The following VPS13B variants were observed in gnomAD, a reference collection of about 807,000 sequenced individuals.
VPS13B encodes vacuolar protein sorting 13 homolog B.
Under a neutral mutation model 426.4 loss-of-function variants are expected in VPS13B, and 285 were observed. The observed-to-expected ratio is 0.67, with a 90% CI of 0.61 to 0.74. VPS13B has a LOEUF of 0.74. Ranked by LOEUF, VPS13B falls within the 30% of genes least tolerant of loss-of-function variation. VPS13B has a pLI of 0.00. For synonymous variants in VPS13B, 1,676 were observed against 1,676.4 expected, an observed-to-expected ratio of 1.00 and a Z score of 0.01; for missense variants, 4,537 against 4,782.6, an observed-to-expected ratio of 0.95 and a Z score of 1.51.
intron 35 of VPS13B, chr8:99,696,241 C>A: frequency 5.3e-6 from 1 of 190,170 alleles, no homozygotes. Flanking sequence ...TCAAGTCCTT[C>A]AAGGACAAGA....
intron 31 of VPS13B, among the ~76,000 whole-genome samples, chr8:99,569,672 T>C (rs547830744): frequency 2.2e-4 from 34 of 152,294 alleles, no homozygotes; most frequent in African/African-American, 8.2e-4. Flanking sequence ...TTAGTGTAAA[T>C]ATTCTGAGTC....
intron 44 of VPS13B, among the ~76,000 whole-genome samples, chr8:99,815,866 C>G (rs768634182): frequency 2.0e-5 from 3 of 152,174 alleles, no homozygotes; most frequent in Non-Finnish European, 2.9e-5. Flanking sequence ...GGGTCTTGCT[C>G]TGTCACCCAG....
intron 17 of VPS13B, among the ~76,000 whole-genome samples, chr8:99,245,176 A>AG: frequency 6.6e-6 from 1 of 152,218 alleles, no homozygotes; most frequent in Non-Finnish European, 1.5e-5. Context: ...CAGTTTGATA[A>AG]TACTGTGTGA....
chr8:99,022,296 T>C (rs1841937448), intron 2 of VPS13B, among the ~76,000 whole-genome samples: 1 of 151,924 alleles, frequency 6.6e-6, no homozygotes, highest in Non-Finnish European at 1.5e-5. Flanking sequence ...AGCACTGTCA[T>C]GTGGGATTTC....
intron 31 of VPS13B, among the ~76,000 whole-genome samples, chr8:99,564,091 T>C (rs1588499280): frequency 6.6e-6 from 1 of 152,142 alleles, no homozygotes; most frequent in African/African-American, 2.4e-5. Flanking sequence ...TGCTTCTATG[T>C]GTATGTTGTA....
At chr8:99,121,059 ATTT>A in intron 7 of VPS13B, 115 bp from the exon 8 acceptor site, 1 of 837,808 alleles carries the variant, frequency 1.2e-6, no homozygotes, top group Non-Finnish European at 1.8e-6. Flanking sequence ...TCACTGTATC[ATTT>A]GTTTATACCT....
chr8:99,169,509 A>G (rs998627124), intron 15 of VPS13B, among the ~76,000 whole-genome samples: 3 of 152,028 alleles, frequency 2.0e-5, no homozygotes, highest in African/African-American at 4.8e-5. Context: ...CCTCAATCCC[A>G]CAATTATTTT....
At chr8:99,655,837 C>A (rs1409718538) in intron 34 of VPS13B, among the ~76,000 whole-genome samples, 1 of 152,110 alleles carries the variant, frequency 6.6e-6, no homozygotes, top group East Asian at 1.9e-4. Context: ...CAAGTAGTAA[C>A]CAAAGACATA....
At chr8:99,769,308 C>G (rs1811372173) in intron 40 of VPS13B, among the ~76,000 whole-genome samples, 1 of 152,116 alleles carries the variant, frequency 6.6e-6, no homozygotes. Flanking sequence ...AAATAAAACA[C>G]TATTAAGGAT....
At chr8:99,534,641 AG>A (rs1823101634) in intron 30 of VPS13B, among the ~76,000 whole-genome samples, 1 of 152,156 alleles carries the variant, frequency 6.6e-6, no homozygotes, top group African/African-American at 2.4e-5. Flanking sequence ...GACAAGTGAG[AG>A]AAAGCATAGG....
At chr8:99,774,504 A>C (rs927978064) in intron 40 of VPS13B, among the ~76,000 whole-genome samples, 2 of 152,184 alleles carry the variant, frequency 1.3e-5, no homozygotes, top group East Asian at 3.8e-4. Context: ...AATATTTGCC[A>C]CTCTCAGGAG....
At chr8:99,405,330 A>G (rs1475333093) in intron 21 of VPS13B, among the ~76,000 whole-genome samples, 5 of 152,146 alleles carry the variant, frequency 3.3e-5, no homozygotes, top group East Asian at 1.9e-4. Context: ...TTCATTCACC[A>G]TGATGCTCAA....
intron 26 of VPS13B, 39 bp downstream of exon 26, chr8:99,501,897 T>TCCCC (rs1302880494): frequency 1.1e-6 from 1 of 872,976 alleles, no homozygotes; most frequent in African/African-American, 2.6e-5. Context: ...CCTCCCTCTG[T>TCCCC]CCCTCCCTCC....
intron 8 of VPS13B, chr8:99,121,807 G>T: frequency 5.7e-6 from 1 of 174,880 alleles, no homozygotes; most frequent in South Asian, 1.6e-4. Flanking sequence ...TTTCCTTTCT[G>T]TGCTCTCCTT....
At chr8:99,301,894 T>C (rs1222449088) in intron 19 of VPS13B, among the ~76,000 whole-genome samples, 1 of 152,204 alleles carries the variant, frequency 6.6e-6, no homozygotes, top group East Asian at 1.9e-4. Flanking sequence ...CCCCAAATGC[T>C]GGGATAACAG....
At chr8:99,717,060 G>T in intron 36 of VPS13B, 111 bp from the exon 37 acceptor site, 1 of 1,116,738 alleles carries the variant, frequency 9.0e-7, no homozygotes, top group Non-Finnish European at 1.3e-6. Context: ...AACCAAGCAA[G>T]ACGACTCTGA....
At chr8:99,369,786 A>G (rs571411693) in intron 19 of VPS13B, among the ~76,000 whole-genome samples, 1 of 152,336 alleles carries the variant, frequency 6.6e-6, no homozygotes, top group South Asian at 2.1e-4. Context: ...AAATGTTAAT[A>G]TTGATTAATA....
At chr8:99,103,148 T>C (rs751193977) in intron 5 of VPS13B, 28 bp downstream of exon 5, 10 of 1,611,818 alleles carry the variant, frequency 6.2e-6, no homozygotes. Context: ...ATACCGTATA[T>C]TTTTCCATAA....
chr8:99,510,745 C>T (rs570821022), intron 28 of VPS13B, among the ~76,000 whole-genome samples: 2 of 152,312 alleles, frequency 1.3e-5, no homozygotes, highest in African/African-American at 2.4e-5. Flanking sequence ...CTCCTGGCCT[C>T]AAGTTATCTG....
Sources: gnomAD v4.1 joint callset for allele counts (sites outside exome capture counted in the v4.1 genomes callset) on GRCh38, gnomAD v4.1.1 for gene constraint, MANE v1.5 for transcripts, NCBI Gene and HGNC (gene_info 2026-07-23, HGNC 2026-07-21) for gene names.